Variants in WIPF3 observed in about 807,000 individuals in gnomAD.
WIPF3 encodes the protein WAS/WASL interacting protein family member 3.
A neutral mutation model predicts 38.9 loss-of-function variants in WIPF3; 33 were observed. That is an observed-to-expected ratio of 0.85 (90% confidence interval 0.64 to 1.14). The LOEUF is 1.14. Ranked by LOEUF, WIPF3 falls within the 50% of genes most tolerant of loss-of-function variation. WIPF3 has a pLI of 0.00. For missense variants in WIPF3, 711 were observed against 652.5 expected, an observed-to-expected ratio of 1.09 and a Z score of -0.98; for synonymous variants, 324 against 269.3, an observed-to-expected ratio of 1.20 and a Z score of -1.99.
In WIPF3 at chr7:29,816,786, G is replaced by A. The variant is rs578022158; in HGVS notation, c.-58+10108G>A. Among the ~76,000 whole-genome samples, 13 of 152,274 alleles carry A rather than the reference G, an allele frequency of 8.5e-5. No homozygotes were observed. In the South Asian group the frequency reaches 2.7e-3, roughly 32 times the overall value. ...ACCATAATTTAATAATTAGTTTTCA[G>A]TTGACAGGTATATACACTATTTCCA... On this transcript the variant is annotated intron_variant, in intron 1 of 8. Transcript: ENST00000242140.
At chr7:29,897,409 G>T (rs1207510206) in intron 7 of WIPF3, among the ~76,000 whole-genome samples, 1 of 152,028 alleles carries the variant, frequency 6.6e-6, no homozygotes, top group Non-Finnish European at 1.5e-5. Context: ...TATCTACTGG[G>T]CCATTTTACA....
rs1457252010 is a variant in WIPF3 at position 29,823,712 on chromosome 7, C to T, written c.-57-10956C>T. On this transcript the variant is annotated intron_variant, in intron 1 of 8. Coordinates refer to ENST00000242140, the MANE Select transcript of WIPF3 (RefSeq NM_001080529.3). The surrounding 1 kb of genome is among the most constrained non-coding windows in gnomAD (Gnocchi z 4.0). ...TGGTGGCAGGTGATTGGATCGTGGG[C>T]GGTTTCTCATTATTGGTTTAGTGCC... 6.6e-6 allele frequency among the ~76,000 whole-genome samples: 1 copy of T among 152,070 alleles called. No individual in the cohort carries two copies. The highest frequency in any genetic ancestry group is 1.9e-4 in the East Asian group (1 of 5,178).
chr7:29,837,335 AAC>A (rs1784821922), intron 2 of WIPF3, among the ~76,000 whole-genome samples: 1 of 152,180 alleles, frequency 6.6e-6, no homozygotes. Context: ...CAGCCTGGGC[AAC>A]AGAGTGAGAC....
At chr7:29,817,415 G>C (rs898357182) in intron 1 of WIPF3, among the ~76,000 whole-genome samples, 1 of 151,918 alleles carries the variant, frequency 6.6e-6, no homozygotes, top group African/African-American at 2.4e-5. Context: ...TTTTAGAAAG[G>C]TCTTTCTGAC....
chr7:29,910,922 G>A (rs964172161), intron 8 of WIPF3, among the ~76,000 whole-genome samples: 1 of 151,994 alleles, frequency 6.6e-6, no homozygotes, highest in African/African-American at 2.4e-5. Context: ...CCAGAGCAAA[G>A]TTGGGCAAGA....
At chr7:29,877,005 G>A (rs1053257603) in intron 3 of WIPF3, among the ~76,000 whole-genome samples, 1 of 152,100 alleles carries the variant, frequency 6.6e-6, no homozygotes, top group Non-Finnish European at 1.5e-5. Flanking sequence ...TACAGATCGA[G>A]CATCCCTAAT....
At chr7:29,846,274 A>G (rs1257156020) in intron 2 of WIPF3, among the ~76,000 whole-genome samples, 1 of 152,204 alleles carries the variant, frequency 6.6e-6, no homozygotes, top group Non-Finnish European at 1.5e-5. Context: ...CACAGAAAGG[A>G]ACACAGCGTA....
chr7:29,888,118 C>T lies in WIPF3; in HGVS notation c.1150C>T (p.Pro384Ser), dbSNP rs758420908. The T allele has an allele frequency of 1.2e-6, 2 of 1,613,952 alleles. No homozygotes were observed. The highest frequency in any genetic ancestry group is 1.7e-5 in the Admixed American group (1 of 60,014). ...NPPPAPPARSPTTELSSKSQQ... is the reference protein window; with the variant it reads ...NPPPAPPARSSTTELSSKSQQ... ...ACCTCCAGCACCCCCTGCGAGATCACCTACCACAGAGCTTTCAAGCAAGAG... is the reference window on the plus strand; with the variant it reads ...ACCTCCAGCACCCCCTGCGAGATCATCTACCACAGAGCTTTCAAGCAAGAG... Residue 384 changes from proline to serine, a missense_variant, in exon 6 of 9, where the codon CCT (proline) becomes TCT (serine). By Grantham distance (74) the Pro-to-Ser change is moderately conservative (BLOSUM62 -1). Coordinates refer to ENST00000242140, the MANE Select transcript of WIPF3 (RefSeq NM_001080529.3).
chr7:29,870,047 T>C (rs62457584), intron 2 of WIPF3, among the ~76,000 whole-genome samples: 17,055 of 152,170 alleles, frequency 0.11, 1,036 homozygotes, highest in African/African-American at 0.16. Context: ...AGGGTAAGCA[T>C]GTTGCTCTAG....
Position 29,832,943 on chromosome 7 carries a change from A to T in WIPF3, c.-57-1725A>T, listed in dbSNP as rs553770467. On this transcript the variant is annotated intron_variant, in intron 1 of 8. Transcript: ENST00000242140. ...AAGCAACCCAGGCACTCATCAATAG[A>T]TGAATGGCTCAACTAAATGTGGTGT... Among the ~76,000 whole-genome samples the T allele has an allele frequency of 3.9e-5, 6 of 152,362 alleles. No individual in the cohort carries two copies. In the South Asian group the frequency reaches 1.2e-3, roughly 32 times the overall value.
At chr7:29,833,251 G>C (rs1784750470) in intron 1 of WIPF3, among the ~76,000 whole-genome samples, 1 of 152,190 alleles carries the variant, frequency 6.6e-6, no homozygotes, top group Non-Finnish European at 1.5e-5. Context: ...AGTGATGCTG[G>C]TTGCACAGCA....
Position 29,888,203 on chromosome 7 carries a change from GC to G in WIPF3, c.1237del (p.Leu413CysfsTer67). 6.2e-7 allele frequency: 1 copy of G among 1,609,994 alleles called. No individual in the cohort carries two copies. Among genetic ancestry groups the G allele is most frequent in the Non-Finnish European group, 8.5e-7 (1 of 1,178,166 alleles). On this transcript the variant is annotated frameshift_variant, in exon 6 of 9. Coordinates refer to ENST00000242140, the MANE Select transcript of WIPF3 (RefSeq NM_001080529.3). LOFTEE classifies it high-confidence loss of function. ...QQPGGQLRNG[S>X]LHIIDDFESK... ...CCTGGAGGTCAACTGCGAAATGGAAGCCTGCACATCATTGGTAAGTGGGTTG... is the reference window on the plus strand; with the variant it reads ...CCTGGAGGTCAACTGCGAAATGGAAGCTGCACATCATTGGTAAGTGGGTTG...
In WIPF3 at chr7:29,916,146, A is replaced by T. The variant is rs1236811724; in HGVS notation, c.*1630A>T. On this transcript the variant is annotated 3_prime_UTR_variant, in exon 9 of 9. Transcript: ENST00000242140. ...GAATCAAGCCCAAACTGTAACAGCTAAATAAGTAGAAGTTTTTGCAGGTCA... is the reference window on the plus strand; with the variant it reads ...GAATCAAGCCCAAACTGTAACAGCTTAATAAGTAGAAGTTTTTGCAGGTCA... The T allele has an allele frequency of 6.6e-6, 1 of 152,174 alleles. No individual in the cohort carries two copies. Among genetic ancestry groups the T allele is most frequent in the East Asian group, 1.9e-4 (1 of 5,188 alleles). 9.4% of individuals were successfully genotyped at this position (152,174 alleles called of 1,614,324 possible).
intron 1 of WIPF3, among the ~76,000 whole-genome samples, chr7:29,818,664 C>T (rs988656404): frequency 2.0e-5 from 3 of 151,472 alleles, no homozygotes; most frequent in Non-Finnish European, 4.4e-5. Context: ...AATTGAGCCT[C>T]CTTCTTTTCA....
Position 29,884,425 on chromosome 7 carries a change from C to CT in WIPF3, c.931_932insT (p.Pro311LeufsTer7). On this transcript the variant is annotated frameshift_variant, in exon 5 of 9. Coordinates refer to ENST00000242140, the MANE Select transcript of WIPF3 (RefSeq NM_001080529.3). LOFTEE classifies it high-confidence loss of function. ...CTCCCCGAGGGCTTCTTTGCCCGCG[C>CT]CCCCTTTGCCAGGAGTTAATAGCAG... 1 of 1,493,174 alleles carries CT rather than the reference C, an allele frequency of 6.7e-7. No homozygotes were observed. Among genetic ancestry groups the CT allele is most frequent in the Non-Finnish European group, 9.0e-7 (1 of 1,113,592 alleles). The allele number at this position is 1,493,174 out of a possible 1,614,324, so 92.5% of individuals were successfully genotyped here. A position where few individuals can be genotyped will look rare whatever the true frequency, so the allele number is the denominator to read the frequency against.
chr7:29,819,680 G>C (rs765404501), intron 1 of WIPF3, among the ~76,000 whole-genome samples: 7 of 151,790 alleles, frequency 4.6e-5, no homozygotes, highest in Admixed American at 2.6e-4. Context: ...TTTTTCATTA[G>C]CTGCATTCCA....
intron 8 of WIPF3, among the ~76,000 whole-genome samples, chr7:29,908,521 A>G (rs1303541510): frequency 1.3e-5 from 2 of 152,214 alleles, no homozygotes; most frequent in African/African-American, 4.8e-5. Context: ...CTACCCAACA[A>G]CAGCAGTATA....
chr7:29,823,535 G>A lies in WIPF3; in HGVS notation c.-57-11133G>A, dbSNP rs1583591470. On this transcript the variant is annotated intron_variant, in intron 1 of 8. Transcript: ENST00000242140. This position sits in a 1 kb window ranked among gnomAD's most constrained non-coding sequence, Gnocchi z 4.0. ...ACTTTCCCAGTGTTCTGCTAACAAG[G>A]TTTGTCTCCATCTTTTGCGGGAGCC... is the stretch of plus-strand genomic sequence containing the variant. 6.6e-6 allele frequency among the ~76,000 whole-genome samples: 1 copy of A among 152,234 alleles called. No individual in the cohort carries two copies. The highest frequency in any genetic ancestry group is 1.9e-4 in the East Asian group (1 of 5,186).
chr7:29,849,119 C>T lies in WIPF3; in HGVS notation c.90+14305C>T, dbSNP rs189705245. On this transcript the variant is annotated intron_variant, in intron 2 of 8. Transcript: ENST00000242140. Reference sequence around the variant, plus strand: ...TCACTGTGATTTATTCCCCTTATCTCGACCCCAGCCTAGCCCAATCTGGCT... The same window carrying T: ...TCACTGTGATTTATTCCCCTTATCTTGACCCCAGCCTAGCCCAATCTGGCT... Among the ~76,000 whole-genome samples, 30 of 152,188 alleles carry T rather than the reference C, an allele frequency of 2.0e-4. No individual in the cohort carries two copies. The East Asian group carries it at 4.6e-3, about 24-fold the overall frequency.
Sources: gnomAD v4.1 joint callset for allele counts (sites outside exome capture counted in the v4.1 genomes callset) on GRCh38, gnomAD v4.1.1 for gene constraint, Gnocchi (gnomAD v3.1) non-coding constraint, MANE v1.5 for transcripts, NCBI Gene and HGNC (gene_info 2026-07-23, HGNC 2026-07-21) for gene names.